SRSF5: variants seen among roughly 807,000 people sequenced by gnomAD.
SRSF5 encodes serine and arginine rich splicing factor 5, also known as serine/arginine-rich splicing factor 5.
In SRSF5, 5 loss-of-function variants were observed where a neutral mutation model predicts 34.0. That is an observed-to-expected ratio of 0.15 (90% CI 0.08 to 0.31). The LOEUF (loss-of-function observed/expected upper bound fraction) is 0.31. Among genes scored for constraint, SRSF5 ranks in the 10% least tolerant of loss-of-function variants. The pLI, the probability that SRSF5 is intolerant of heterozygous loss-of-function variation, is 1.00. For synonymous variants in SRSF5, 164 were observed against 117.7 expected (o/e 1.39, Z -2.55); for missense variants, 223 against 351.4 (o/e 0.63, Z 2.92).
chr14:69,769,679 C>T (rs1882986585), intron 5 of SRSF5: 2 of 1,488,432 alleles, frequency 1.3e-6, no homozygotes, highest in African/African-American at 1.4e-5. Flanking sequence ...GGTGCACTTC[C>T]TTGAAGTGCC....
At chr14:69,769,064 C>T in intron 4 of SRSF5, 118 bp from the exon 5 acceptor site, 1 of 1,348,650 alleles carries the variant, frequency 7.4e-7, no homozygotes, top group Non-Finnish European at 1.1e-6. Context: ...GAACACAAAT[C>T]TATTGACGGA....
In SRSF5 at chr14:69,771,325, G is replaced by C; in HGVS notation, c.683G>C (p.Arg228Pro). ...RSRSRSRSKS[R>P]SVSRSPVPEK... is the part of the protein sequence containing the mutation. ...AGGAGCCGGAGCCGGAGCAAGTCCCGTTCTGTTAGTAGGTCTCCCGTGCCT... is the reference window on the plus strand; with the variant it reads ...AGGAGCCGGAGCCGGAGCAAGTCCCCTTCTGTTAGTAGGTCTCCCGTGCCT... The change falls in exon 8 of 8, where the codon CGT becomes CCT. Residue 228 changes from arginine to proline, a missense_variant. Coordinates refer to ENST00000557154, the MANE Select transcript of SRSF5 (RefSeq NM_001320214.2). 6.2e-7 allele frequency: 1 copy of C among 1,614,120 alleles called. No individual in the cohort carries two copies.
At position 69,767,142 on chromosome 14, in the gene SRSF5, G is replaced by C. The variant is rs902936349; in HGVS notation, c.-133G>C. 2 of 305,040 alleles carry C rather than the reference G, an allele frequency of 6.6e-6. No individual in the cohort carries two copies. The highest frequency in any genetic ancestry group is 8.9e-5 in the East Asian group (1 of 11,200). 18.9% of individuals were successfully genotyped at this position (305,040 alleles called of 1,614,324 possible). A position where few individuals can be genotyped will look rare whatever the true frequency, so the allele number is the denominator to read the frequency against. ...GTGGAGCGCCAGAGCTGCTAAGTGC[G>C]TCAGTTGTGGAGTGGCGTAGACGAG... On this transcript the variant is annotated 5_prime_UTR_variant, in exon 1 of 8. Transcript: ENST00000557154.
At chr14:69,769,035 T>A in intron 4 of SRSF5, 139 bp downstream of exon 4, 1 of 1,269,374 alleles carries the variant, frequency 7.9e-7, no homozygotes, top group Non-Finnish European at 1.1e-6. Context: ...TTGTTCTTGA[T>A]GAATCTATAT....
intron 6 of SRSF5, 86 bp from the exon 7 acceptor site, chr14:69,770,909 A>G (rs1883124652): frequency 1.7e-6 from 2 of 1,197,832 alleles, no homozygotes; most frequent in East Asian, 2.4e-5. Context: ...AAAAGTGAAC[A>G]TAGAAACGAC....
chr14:69,770,390 T>G, intron 5 of SRSF5, 77 bp from the exon 6 acceptor site: 2 of 1,566,954 alleles, frequency 1.3e-6, no homozygotes, highest in Non-Finnish European at 1.7e-6. Context: ...TTCAGTAGTC[T>G]TGTTTTTTTT....
In SRSF5 at chr14:69,771,112, C is replaced by CT. The variant is rs778781434; in HGVS notation, c.551+8dup. 2.5e-6 allele frequency: 4 copies of CT among 1,612,930 alleles called. No homozygotes were observed. Among genetic ancestry groups the CT allele is most frequent in the East Asian group, 2.2e-5 (1 of 44,892 alleles). On this transcript the variant is annotated splice_region_variant and intron_variant, in intron 7 of 7. Transcript: ENST00000557154. ...AAGGCAGCAAAAGGCACAGGTATCT[C>CT]TAATTTTTTAAAGTCAAAAGTTGTA... is the stretch of plus-strand genomic sequence containing the variant.
In SRSF5 at chr14:69,769,587, G is replaced by C. The variant is rs913540803; in HGVS notation, c.366+336G>C. ...TCGTTGTCTTGGTCACTCTTGGTTG[G>C]GCCTGGTTGACTTTGCCAGTCAGCT... On this transcript the variant is annotated intron_variant, in intron 5 of 7. Transcript: ENST00000557154. The C allele has an allele frequency of 1.0e-5, 16 of 1,535,204 alleles. No individual in the cohort carries two copies. The African/African-American group carries it at 1.4e-4, about 13-fold the overall frequency.
chr14:69,768,120 T>C lies in SRSF5; in HGVS notation c.-19-18T>C. The C allele has an allele frequency of 6.2e-7, 1 of 1,613,526 alleles. No individual in the cohort carries two copies. The highest frequency in any genetic ancestry group is 8.5e-7 in the Non-Finnish European group (1 of 1,179,626). On this transcript the variant is annotated intron_variant, in intron 1 of 7. Transcript: ENST00000557154. ...TGACAGTCATTGCTATTATCTCGAT[T>C]GAATTACTTTCTAATAGGAAGTACT...
Position 69,771,602 on chromosome 14 carries a change from A to G in SRSF5, c.*141A>G, listed in dbSNP as rs1312171529. On this transcript the variant is annotated 3_prime_UTR_variant, in exon 8 of 8. Coordinates refer to ENST00000557154, the MANE Select transcript of SRSF5 (RefSeq NM_001320214.2). ...TGGAAGGGGGGTTGGGTTGGGCTGG[A>G]TATCTTTGTAGATGTGGACCACCAA... is the stretch of plus-strand genomic sequence containing the variant. 1.0e-6 allele frequency: 1 copy of G among 969,760 alleles called. No individual in the cohort carries two copies. Among genetic ancestry groups the G allele is most frequent in the African/African-American group, 1.6e-5 (1 of 60,652 alleles). The allele number at this position is 969,760 out of a possible 1,614,324, so 60.1% of individuals were successfully genotyped here. A position where few individuals can be genotyped will look rare whatever the true frequency, so the allele number is the denominator to read the frequency against.
At chr14:69,769,007 T>C (rs1039395326) in intron 4 of SRSF5, 111 bp downstream of exon 4, 38 of 1,303,458 alleles carry the variant, frequency 2.9e-5, no homozygotes, top group Admixed American at 9.3e-5. Context: ...TCTGTTCTTC[T>C]ATTCCCACGT....
intron 1 of SRSF5, 76 bp from the exon 2 acceptor site, chr14:69,768,062 A>C (rs965304958): frequency 6.6e-7 from 1 of 1,513,372 alleles, no homozygotes; most frequent in Admixed American, 1.8e-5. Context: ...TATGCCGTTG[A>C]TGTTTTTGAT....
At chr14:69,770,245 G>T in intron 5 of SRSF5, 2 of 1,321,438 alleles carry the variant, frequency 1.5e-6, no homozygotes, top group Non-Finnish European at 9.6e-7. Context: ...GTTAAAATCT[G>T]AATTTCTTTT....
chr14:69,767,793 C>T (rs1219360080), intron 1 of SRSF5: 1 of 354,068 alleles, frequency 2.8e-6, no homozygotes. Context: ...ATTGGGCTGG[C>T]TTTGCGGAGG....
At chr14:69,770,838 C>T (rs564264021) in intron 6 of SRSF5, 157 bp from the exon 7 acceptor site, 68 of 735,930 alleles carry the variant, frequency 9.2e-5, no homozygotes, top group Non-Finnish European at 1.4e-4. Context: ...TATAACAGTG[C>T]CAAAACTTTG....
intron 6 of SRSF5, 100 bp from the exon 7 acceptor site, chr14:69,770,895 T>A: frequency 9.8e-7 from 1 of 1,024,866 alleles, no homozygotes; most frequent in Non-Finnish European, 1.4e-6. Context: ...ATAGTAGCAA[T>A]AGCAAAAGTG....
intron 2 of SRSF5, 119 bp from the exon 3 acceptor site, chr14:69,768,485 A>G: frequency 2.4e-6 from 3 of 1,226,564 alleles, no homozygotes; most frequent in Non-Finnish European, 3.5e-6. Context: ...ATTAGGTTTG[A>G]CTGTATGGCA....
Position 69,771,679 on chromosome 14 carries a change from C to T in SRSF5, c.*218C>T, listed in dbSNP as rs1205431689. 2 of 563,808 alleles carry T rather than the reference C, an allele frequency of 3.5e-6. No homozygotes were observed. Among genetic ancestry groups the T allele is most frequent in the African/African-American group, 3.8e-5 (2 of 53,122 alleles). The allele number at this position is 563,808 out of a possible 1,614,324, so 34.9% of individuals were successfully genotyped here. ...AATGTCTTTTGATAAGCCTTCTGCT[C>T]ACATTTTTGTGAATGTCTGAAGTAT... On this transcript the variant is annotated 3_prime_UTR_variant, in exon 8 of 8. Transcript: ENST00000557154.
intron 5 of SRSF5, chr14:69,769,695 G>T: frequency 6.8e-7 from 1 of 1,468,444 alleles, no homozygotes. Context: ...GTGCCAGGTT[G>T]CAGCGATCCC....
Sources: gnomAD v4.1 joint callset for allele counts on GRCh38, gnomAD v4.1.1 for gene constraint, MANE v1.5 for transcripts, NCBI Gene and HGNC (gene_info 2026-07-23, HGNC 2026-07-21) for gene names.